Variants in ITPR1 observed in about 807,000 individuals in gnomAD.
The protein encoded by ITPR1 is inositol 1,4,5-trisphosphate receptor type 1.
ITPR1 carries 96 observed loss-of-function variants against 318.4 expected under a neutral mutation model. The observed-to-expected ratio is 0.30, with a 90% CI of 0.26 to 0.36. The LOEUF is 0.36. Among genes scored for constraint, ITPR1 ranks in the 10% least tolerant of loss-of-function variants. The pLI is 1.00. For synonymous variants in ITPR1, 1,312 were observed against 1,289.9 expected (o/e 1.02, Z -0.37); for missense variants, 2,440 against 3,460.2 (o/e 0.71, Z 7.40).
rs541726549 is a variant in ITPR1, at chr3:4,790,005, A to G, written c.6808+1866A>G. 5.3e-5 allele frequency among the ~76,000 whole-genome samples: 8 copies of G among 152,370 alleles called. No individual in the cohort carries two copies. In the East Asian group the frequency reaches 1.5e-3, roughly 29 times the overall value. ...AGAATATGTGTCTATGAAATTGGTC[A>G]GACACATACACTGATACATTCATTC... On this transcript the variant is annotated intron_variant, in intron 52 of 61. Coordinates refer to ENST00000649015, the MANE Select transcript of ITPR1 (RefSeq NM_001378452.1).
intron 44 of ITPR1, among the ~76,000 whole-genome samples, chr3:4,745,820 C>T (rs2044065070): frequency 6.6e-6 from 1 of 152,226 alleles, no homozygotes; most frequent in African/African-American, 2.4e-5. Flanking sequence ...CATCTCCCTT[C>T]CTCCATTCTA....
intron 4 of ITPR1, among the ~76,000 whole-genome samples, chr3:4,524,844 G>T (rs2082850015): frequency 5.9e-5 from 9 of 152,180 alleles, no homozygotes; most frequent in Admixed American, 5.9e-4. Context: ...ACCCTGAACA[G>T]ATTACTTCAC....
At chr3:4,665,500 TC>T (rs1413317362) in intron 17 of ITPR1, among the ~76,000 whole-genome samples, 1 of 152,238 alleles carries the variant, frequency 6.6e-6, no homozygotes, top group Non-Finnish European at 1.5e-5. Flanking sequence ...AGAATTCTCT[TC>T]TGCAGACATC....
intron 49 of ITPR1, among the ~76,000 whole-genome samples, chr3:4,781,537 C>G (rs746667264): frequency 2.6e-5 from 4 of 152,104 alleles, no homozygotes; most frequent in Non-Finnish European, 4.4e-5. Context: ...GAAATGTGCT[C>G]AAACCATGAG....
chr3:4,607,300 G>C (rs1290645788), intron 4 of ITPR1, among the ~76,000 whole-genome samples: 1 of 152,140 alleles, frequency 6.6e-6, no homozygotes, highest in Non-Finnish European at 1.5e-5. Context: ...TTTGAGAAGC[G>C]CTGTTGTTAG....
intron 42 of ITPR1, among the ~76,000 whole-genome samples, chr3:4,729,070 A>G (rs7620729): frequency 0.91 from 138,172 of 152,210 alleles, 63,727 homozygotes; most frequent in East Asian, 1. Flanking sequence ...GGAGTAGCTG[A>G]TAAAGGCACA....
At chr3:4,801,641 A>G (rs1009032064) in intron 54 of ITPR1, among the ~76,000 whole-genome samples, 2 of 152,102 alleles carry the variant, frequency 1.3e-5, no homozygotes, top group African/African-American at 2.4e-5. Flanking sequence ...GCATGCGCCT[A>G]TAATCCTAGC....
chr3:4,663,339 G>A, intron 16 of ITPR1, 133 bp downstream of exon 16: 1 of 701,270 alleles, frequency 1.4e-6, no homozygotes, highest in East Asian at 2.9e-5. Context: ...GGAAATGGAG[G>A]TTGCAGTGAG....
chr3:4,685,161 C>T lies in ITPR1; in HGVS notation c.3657C>T (p.Gly1219=), dbSNP rs201621621. The T allele has an allele frequency of 8.3e-5, 134 of 1,608,012 alleles. 1 individual carries two copies. In the African/African-American group the frequency reaches 8.7e-4, roughly 10 times the overall value. The change falls in exon 30 of 62, where the codon GGC becomes GGT. Residue 1219 remains glycine (G), a synonymous_variant. Coordinates refer to ENST00000649015, the MANE Select transcript of ITPR1 (RefSeq NM_001378452.1). Reference sequence around the variant, plus strand: ...AACAGCGTCTGCTCCGGAACATGGGCGCGCACGCCGTGGTGCTGGAGCTGC... The same window carrying T: ...AACAGCGTCTGCTCCGGAACATGGGTGCGCACGCCGTGGTGCTGGAGCTGC... ...KQQQRLLRNM[G]AHAVVLELLQ... is the part of the protein sequence containing the mutation.
chr3:4,624,649 A>G (rs972065870), intron 4 of ITPR1, among the ~76,000 whole-genome samples: 1 of 148,784 alleles, frequency 6.7e-6, no homozygotes, highest in African/African-American at 2.5e-5. Context: ...CAGCCTGGGC[A>G]ACAGAGCCAG....
At chr3:4,774,740 A>T (rs1473215401) in intron 46 of ITPR1, among the ~76,000 whole-genome samples, 3 of 152,214 alleles carry the variant, frequency 2.0e-5, no homozygotes, top group Non-Finnish European at 4.4e-5. Flanking sequence ...CCAAACAAGT[A>T]ATCCAGGCTC....
At position 4,763,032 on chromosome 3, in the gene ITPR1, T is replaced by C. The variant is rs149706026; in HGVS notation, c.5545-3498T>C. ...AATACTATGCAGCCATAAAAAGGAA[T>C]GAGATCGTGTCCTTTGCAGGGACAT... On this transcript the variant is annotated intron_variant, in intron 44 of 61. Transcript: ENST00000649015. 6.1e-3 allele frequency among the ~76,000 whole-genome samples: 931 copies of C among 152,270 alleles called. 9 individuals carry two copies. Among genetic ancestry groups the C allele is most frequent in the African/African-American group, 0.022 (894 of 41,550 alleles).
At chr3:4,835,582 G>A (rs1263397130) in intron 60 of ITPR1, among the ~76,000 whole-genome samples, 1 of 152,142 alleles carries the variant, frequency 6.6e-6, no homozygotes, top group Non-Finnish European at 1.5e-5. Context: ...GTGTGTGTGG[G>A]AGGGGGCTTG....
At chr3:4,527,808 G>A (rs1014778365) in intron 4 of ITPR1, among the ~76,000 whole-genome samples, 2 of 152,068 alleles carry the variant, frequency 1.3e-5, no homozygotes, top group African/African-American at 2.4e-5. Context: ...ATTTTTATTG[G>A]TGCCTTCTTT....
chr3:4,620,513 C>T (rs892762320), intron 4 of ITPR1, among the ~76,000 whole-genome samples: 2 of 152,142 alleles, frequency 1.3e-5, no homozygotes, highest in Middle Eastern at 3.4e-3. Context: ...GTGCTAATTG[C>T]GTGTTTTTTC....
chr3:4,508,596 T>C (rs2081568565), intron 2 of ITPR1, among the ~76,000 whole-genome samples: 1 of 151,456 alleles, frequency 6.6e-6, no homozygotes, highest in African/African-American at 2.4e-5. Context: ...TAAAAGCTTT[T>C]AGAAAAAAAA....
chr3:4,542,942 G>A (rs1167719196), intron 4 of ITPR1, among the ~76,000 whole-genome samples: 1 of 152,064 alleles, frequency 6.6e-6, no homozygotes, highest in African/African-American at 2.4e-5. Flanking sequence ...ATTTCATCCA[G>A]CTTTTTCTGT....
At chr3:4,629,928 G>C (rs1461234717) in intron 5 of ITPR1, among the ~76,000 whole-genome samples, 1 of 152,140 alleles carries the variant, frequency 6.6e-6, no homozygotes, top group East Asian at 1.9e-4. Flanking sequence ...TGATTGCTTT[G>C]AAGACTTCTG....
At chr3:4,586,092 C>T (rs1222866217) in intron 4 of ITPR1, among the ~76,000 whole-genome samples, 2 of 152,222 alleles carry the variant, frequency 1.3e-5, no homozygotes, top group Non-Finnish European at 2.9e-5. Context: ...CTACAAAGGA[C>T]ATGAACTCAT....
Sources: allele counts gnomAD v4.1 joint callset (sites outside exome capture counted in the v4.1 genomes callset), GRCh38; gene constraint gnomAD v4.1.1; transcripts MANE v1.5; gene names NCBI Gene and HGNC (gene_info 2026-07-23, HGNC 2026-07-21).